CYFIP2: variants seen among roughly 807,000 people sequenced by gnomAD.
The protein encoded by CYFIP2 is cytoplasmic FMR1 interacting protein 2, also known as cytoplasmic FMR1-interacting protein 2.
Under a neutral mutation model 158.7 loss-of-function variants are expected in CYFIP2, and 29 were observed. The observed-to-expected ratio is 0.18, with a 90% confidence interval of 0.14 to 0.25. The LOEUF (loss-of-function observed/expected upper bound fraction) is 0.25. Ranked by LOEUF, CYFIP2 falls within the 10% of genes least tolerant of loss-of-function variation. The pLI is 1.00. For synonymous variants in CYFIP2, 585 were observed against 617.6 expected (o/e 0.95, Z 0.78); for missense variants, 852 against 1,639.5 (o/e 0.52, Z 8.29).
chr5:157,322,866 C>T, intron 15 of CYFIP2: 6 of 1,384,880 alleles, frequency 4.3e-6, no homozygotes, highest in East Asian at 2.5e-5. Context: ...CTCTCTCTCT[C>T]TCTTTCTCTC....
chr5:157,360,005 CAT>C, intron 24 of CYFIP2, among the ~76,000 whole-genome samples: 1 of 152,246 alleles, frequency 6.6e-6, no homozygotes, highest in Non-Finnish European at 1.5e-5. Flanking sequence ...GGCTCCATTT[CAT>C]TTTAGCTCTT....
intron 4 of CYFIP2, 24 bp downstream of exon 4, chr5:157,294,884 C>A: frequency 6.2e-7 from 1 of 1,600,350 alleles, no homozygotes; most frequent in Non-Finnish European, 8.6e-7. Context: ...TGTTGTGTGT[C>A]TCTTTCCCCT....
chr5:157,287,309 C>T (rs1757472663), intron 3 of CYFIP2, among the ~76,000 whole-genome samples: 1 of 152,192 alleles, frequency 6.6e-6, no homozygotes. Flanking sequence ...CTTTATTGTC[C>T]AGCTTTGGGA....
chr5:157,315,405 T>A (rs1760059965), intron 13 of CYFIP2, among the ~76,000 whole-genome samples: 1 of 152,042 alleles, frequency 6.6e-6, no homozygotes, highest in African/African-American at 2.4e-5. Flanking sequence ...AACTGGTCAG[T>A]GGTCAGAGAG....
At chr5:157,322,862 CTCTCTCTT>C in intron 15 of CYFIP2, 1 of 1,354,540 alleles carries the variant, frequency 7.4e-7, no homozygotes. Context: ...TTCTCTCTCT[CTCTCTCTT>C]TCTCTCTCTC....
intron 13 of CYFIP2, among the ~76,000 whole-genome samples, chr5:157,318,127 C>G (rs1760299982): frequency 6.6e-6 from 1 of 152,210 alleles, no homozygotes; most frequent in African/African-American, 2.4e-5. Context: ...CACAAGTCTT[C>G]AGTCAAATAT....
At chr5:157,379,943 T>C (rs1424007255) in intron 26 of CYFIP2, 3 of 152,158 alleles carry the variant, frequency 2.0e-5, no homozygotes, top group Admixed American at 6.5e-5. Flanking sequence ...GGGAATCAGA[T>C]AATTTAAATA....
chr5:157,325,456 A>G, intron 16 of CYFIP2, 26 bp from the exon 17 acceptor site: 3 of 1,574,898 alleles, frequency 1.9e-6, no homozygotes, highest in Non-Finnish European at 2.6e-6. Flanking sequence ...AAAAGTAACC[A>G]AAGGCTCGTT....
At chr5:157,275,512 A>C (rs1030321835) in intron 1 of CYFIP2, among the ~76,000 whole-genome samples, 1 of 152,210 alleles carries the variant, frequency 6.6e-6, no homozygotes, top group African/African-American at 2.4e-5. Context: ...CATTGTCTTC[A>C]TGGTAACACC....
intron 23 of CYFIP2, chr5:157,343,575 C>T: frequency 6.8e-7 from 1 of 1,481,262 alleles, no homozygotes; most frequent in Non-Finnish European, 9.1e-7. Context: ...AGAGTGACAT[C>T]CCCTGATTTA....
intron 18 of CYFIP2, 49 bp from the exon 19 acceptor site, chr5:157,327,924 C>T (rs757565851): frequency 7.0e-6 from 11 of 1,579,750 alleles, no homozygotes; most frequent in Non-Finnish European, 9.6e-6. Flanking sequence ...CAGTTTCTGT[C>T]ATAAAGCTGA....
intron 26 of CYFIP2, among the ~76,000 whole-genome samples, chr5:157,381,961 G>A (rs979791491): frequency 1.7e-4 from 26 of 151,528 alleles, no homozygotes; most frequent in Admixed American, 7.5e-4. Context: ...AGGACAGTAA[G>A]CCCATGAGAC....
At chr5:157,285,608 C>T in intron 2 of CYFIP2, 130 bp downstream of exon 2, 1 of 748,814 alleles carries the variant, frequency 1.3e-6, no homozygotes, top group African/African-American at 1.8e-5. Context: ...GATGGAGTCC[C>T]TTGTGCGCTG....
chr5:157,334,405 G>A (rs10035832), intron 21 of CYFIP2, among the ~76,000 whole-genome samples: 70,640 of 152,036 alleles, frequency 0.46, 18,255 homozygotes, highest in African/African-American at 0.71. Flanking sequence ...TCAATTTTAT[G>A]TACATCTTAC....
intron 2 of CYFIP2, among the ~76,000 whole-genome samples, chr5:157,285,866 A>G (rs1467967223): frequency 1.3e-5 from 2 of 152,216 alleles, no homozygotes; most frequent in African/African-American, 4.8e-5. Flanking sequence ...ACAACACCTC[A>G]TAGCAGCTCA....
Position 157,305,629 on chromosome 5 carries a change from G to A in CYFIP2, c.795+1263G>A, listed in dbSNP as rs1759151546. ...AGGCTCAAGCGATCCTCCCACCTCA[G>A]CTTCCTGAGTAGCTGGGACTACAGG... On this transcript the variant is annotated intron_variant, in intron 8 of 30. Coordinates refer to ENST00000620254, the MANE Select transcript of CYFIP2 (RefSeq NM_001037333.3). 2.0e-5 allele frequency among the ~76,000 whole-genome samples: 3 copies of A among 152,274 alleles called. No homozygotes were observed. The South Asian group carries it at 6.2e-4, about 32-fold the overall frequency.
chr5:157,311,080 G>A lies in CYFIP2; in HGVS notation c.993-584G>A, dbSNP rs1229961522. 1 of 443,496 alleles carries A rather than the reference G, an allele frequency of 2.3e-6. No individual in the cohort carries two copies. The highest frequency in any genetic ancestry group is 2.4e-5 in the Admixed American group (1 of 41,086). 27.5% of individuals were successfully genotyped at this position (443,496 alleles called of 1,614,324 possible). ...GGAGGAAAGAGGGTGGAAAGAGAAG[G>A]AGAGAAGGGGGCGAGAGGTAGAGGG... On this transcript the variant is annotated intron_variant, in intron 10 of 30. Coordinates refer to ENST00000620254, the MANE Select transcript of CYFIP2 (RefSeq NM_001037333.3). This position sits in a 1 kb window ranked among gnomAD's most constrained non-coding sequence, Gnocchi z 4.7.
intron 13 of CYFIP2, 36 bp downstream of exon 13, chr5:157,315,130 A>C: frequency 6.2e-7 from 1 of 1,610,636 alleles, no homozygotes; most frequent in Non-Finnish European, 8.5e-7. Flanking sequence ...CTCCCTCCCC[A>C]AGGCTGCAGC....
chr5:157,336,107 C>T (rs1761838923), intron 21 of CYFIP2, among the ~76,000 whole-genome samples: 1 of 152,186 alleles, frequency 6.6e-6, no homozygotes, highest in East Asian at 1.9e-4. Flanking sequence ...GAAGCTTCTA[C>T]CTCCTCCAAG....
Sources: allele counts gnomAD v4.1 joint callset (sites outside exome capture counted in the v4.1 genomes callset), GRCh38; gene constraint gnomAD v4.1.1; non-coding constraint Gnocchi (gnomAD v3.1); transcripts MANE v1.5; gene names NCBI Gene and HGNC (gene_info 2026-07-23, HGNC 2026-07-21).